Variants in HEMK2 observed in about 807,000 individuals in gnomAD.
HEMK2 encodes methyltransferase HEMK2.
the HEMK2 span, among the ~76,000 whole-genome samples, chr21:28,756,686 CCAAA>C: frequency 1.3e-5 from 2 of 152,160 alleles, no homozygotes; most frequent in African/African-American, 2.4e-5. Context: ...CTCTTGATTC[CCAAA>C]CACTTTGTCC....
At chr21:28,617,796 T>G in the HEMK2 span, among the ~76,000 whole-genome samples, 9 of 152,168 alleles carry the variant, frequency 5.9e-5, no homozygotes, top group African/African-American at 1.9e-4. Context: ...CTGCCTTTTT[T>G]TTTTTTTTTA....
At chr21:28,597,315 T>A in the HEMK2 span, among the ~76,000 whole-genome samples, 1 of 152,202 alleles carries the variant, frequency 6.6e-6, no homozygotes, top group East Asian at 1.9e-4. Flanking sequence ...CTTGGAACTG[T>A]CAGGCATCTG....
the HEMK2 span, among the ~76,000 whole-genome samples, chr21:28,867,120 C>T: frequency 6.6e-6 from 1 of 152,120 alleles, no homozygotes; most frequent in Non-Finnish European, 1.5e-5. Context: ...TAAAATGAAA[C>T]ATAATTGTAC....
At chr21:28,706,854 A>G in the HEMK2 span, among the ~76,000 whole-genome samples, 4 of 152,292 alleles carry the variant, frequency 2.6e-5, no homozygotes, top group East Asian at 7.7e-4. Context: ...TTATTGTTCT[A>G]TGTACTGTGC....
the HEMK2 span, among the ~76,000 whole-genome samples, chr21:28,838,692 C>T: frequency 7.3e-5 from 11 of 151,594 alleles, no homozygotes; most frequent in African/African-American, 2.7e-4. Context: ...GAAATCCCAG[C>T]ACTTTGGGAG....
At chr21:28,603,103 T>C in the HEMK2 span, among the ~76,000 whole-genome samples, 2 of 152,156 alleles carry the variant, frequency 1.3e-5, no homozygotes, top group African/African-American at 2.4e-5. Context: ...GGGGACACAC[T>C]GAGGCTTAAC....
the HEMK2 span, among the ~76,000 whole-genome samples, chr21:28,627,389 A>C: frequency 1.3e-5 from 2 of 152,196 alleles, no homozygotes; most frequent in Non-Finnish European, 1.5e-5. Flanking sequence ...TTTAAAATAA[A>C]ATTAAAATGT....
chr21:28,866,318 G>C, the HEMK2 span, among the ~76,000 whole-genome samples: 1 of 151,790 alleles, frequency 6.6e-6, no homozygotes, highest in Non-Finnish European at 1.5e-5. Context: ...TCCAGCCTGG[G>C]CAACAGAGCG....
the HEMK2 span, among the ~76,000 whole-genome samples, chr21:28,596,569 G>C: frequency 6.6e-6 from 1 of 152,162 alleles, no homozygotes; most frequent in African/African-American, 2.4e-5. Flanking sequence ...TACCAAGTCA[G>C]AGAAGGTTTA....
chr21:28,742,352 T>C, the HEMK2 span, among the ~76,000 whole-genome samples: 1 of 152,236 alleles, frequency 6.6e-6, no homozygotes, highest in Non-Finnish European at 1.5e-5. Flanking sequence ...CTACATCTCA[T>C]CACTTTGCTG....
chr21:28,660,160 C>T, the HEMK2 span, among the ~76,000 whole-genome samples: 1 of 151,790 alleles, frequency 6.6e-6, no homozygotes, highest in South Asian at 2.1e-4. Context: ...AATACAATGA[C>T]TTTGCTAAAC....
At chr21:28,840,458 C>G in the HEMK2 span, among the ~76,000 whole-genome samples, 1 of 152,082 alleles carries the variant, frequency 6.6e-6, no homozygotes, top group Non-Finnish European at 1.5e-5. Flanking sequence ...TCTTCACAAT[C>G]GATACATCTG....
chr21:28,758,755 A>G, the HEMK2 span, among the ~76,000 whole-genome samples: 1 of 152,168 alleles, frequency 6.6e-6, no homozygotes, highest in Non-Finnish European at 1.5e-5. Flanking sequence ...AAACCTCCCC[A>G]TGACAGGTTA....
the HEMK2 span, among the ~76,000 whole-genome samples, chr21:28,684,355 C>A: frequency 6.6e-6 from 1 of 152,190 alleles, no homozygotes; most frequent in Non-Finnish European, 1.5e-5. Context: ...ACCAATTCAT[C>A]CATCTGAATT....
the HEMK2 span, among the ~76,000 whole-genome samples, chr21:28,799,444 A>G: frequency 6.6e-6 from 1 of 152,240 alleles, no homozygotes; most frequent in East Asian, 1.9e-4. Flanking sequence ...CTATAATTCA[A>G]GATGAGATTT....
At chr21:28,872,240 G>A in the HEMK2 span, 2 of 152,204 alleles carry the variant, frequency 1.3e-5, no homozygotes, top group Admixed American at 6.5e-5. Flanking sequence ...TCCACAAAAA[G>A]AGGGGTCCTT....
At chr21:28,681,848 A>G in the HEMK2 span, among the ~76,000 whole-genome samples, 1 of 152,212 alleles carries the variant, frequency 6.6e-6, no homozygotes, top group East Asian at 1.9e-4. Context: ...GGCTAGCCAT[A>G]TGTAGAAAGC....
At chr21:28,645,320 T>G in the HEMK2 span, among the ~76,000 whole-genome samples, 3 of 152,226 alleles carry the variant, frequency 2.0e-5, no homozygotes, top group Non-Finnish European at 2.9e-5. Flanking sequence ...TTCTAATAAA[T>G]GCCTTCTACT....
the HEMK2 span, among the ~76,000 whole-genome samples, chr21:28,578,658 C>A: frequency 1.3e-5 from 2 of 152,096 alleles, no homozygotes; most frequent in Non-Finnish European, 2.9e-5. Context: ...TGGCAGGGAA[C>A]TGAAATCTTC....
Sources: allele counts gnomAD v4.1 joint callset (sites outside exome capture counted in the v4.1 genomes callset), GRCh38; gene constraint gnomAD v4.1.1; transcripts MANE v1.5; gene names NCBI Gene and HGNC (gene_info 2026-07-23, HGNC 2026-07-21).